The following GPR149 variants were observed in gnomAD, a reference collection of about 807,000 sequenced individuals.
GPR149 encodes the protein G protein-coupled receptor 149.
GPR149 carries 50 observed loss-of-function variants against 50.2 expected under a neutral mutation model. The observed-to-expected ratio is 1.00, with a 90% CI of 0.79 to 1.26. The LOEUF is 1.26. GPR149 is among the 50% of genes most tolerant of loss of function. The pLI is 0.00. For synonymous variants in GPR149, 405 were observed against 358.2 expected (o/e 1.13, Z -1.48); for missense variants, 983 against 895.4 (o/e 1.10, Z -1.25).
At chr3:154,423,443 T>C (rs1407444060) in intron 2 of GPR149, among the ~76,000 whole-genome samples, 4 of 151,864 alleles carry the variant, frequency 2.6e-5, no homozygotes, top group Admixed American at 1.3e-4. Context: ...ATTATGTTAA[T>C]GGAAGCAGAA....
intron 2 of GPR149, among the ~76,000 whole-genome samples, chr3:154,422,665 T>C (rs1468364532): frequency 2.0e-5 from 3 of 151,728 alleles, no homozygotes; most frequent in Non-Finnish European, 3.0e-5. Context: ...GACTGAAAAA[T>C]AGAATTTATT....
chr3:154,417,562 T>C (rs1455255375), intron 3 of GPR149, among the ~76,000 whole-genome samples: 1 of 152,074 alleles, frequency 6.6e-6, no homozygotes, highest in Non-Finnish European at 1.5e-5. Flanking sequence ...TACTATTAAA[T>C]GTAGTACCAT....
intron 3 of GPR149, among the ~76,000 whole-genome samples, chr3:154,413,080 T>TTGGCATTTGCATCCATG (rs1237250197): frequency 1.3e-5 from 2 of 152,126 alleles, no homozygotes; most frequent in African/African-American, 4.8e-5. Flanking sequence ...CAAATGGTGC[T>TTGGCATTTGCATCCATG]GGGATAATTG....
intron 3 of GPR149, among the ~76,000 whole-genome samples, chr3:154,397,390 T>C (rs1715319007): frequency 6.6e-6 from 1 of 152,184 alleles, no homozygotes; most frequent in Non-Finnish European, 1.5e-5. Context: ...TCTTAAAGAA[T>C]GGATTATGTC....
chr3:154,385,007 CT>C (rs1379859981), intron 3 of GPR149, among the ~76,000 whole-genome samples: 13 of 152,300 alleles, frequency 8.5e-5, no homozygotes, highest in African/African-American at 3.1e-4. Context: ...TGATGAATAT[CT>C]TTTGCGTGTG....
chr3:154,426,796 C>A (rs1380661406), intron 2 of GPR149, among the ~76,000 whole-genome samples: 1 of 151,926 alleles, frequency 6.6e-6, no homozygotes, highest in East Asian at 1.9e-4. Flanking sequence ...TACATGAACA[C>A]ACAGTAACAA....
chr3:154,404,425 A>G (rs940534169), intron 3 of GPR149, among the ~76,000 whole-genome samples: 1 of 152,238 alleles, frequency 6.6e-6, no homozygotes, highest in Non-Finnish European at 1.5e-5. Context: ...TCTCTGTTAT[A>G]TATTTTTCAA....
chr3:154,362,369 A>C (rs1189715834), intron 3 of GPR149, among the ~76,000 whole-genome samples: 1 of 151,750 alleles, frequency 6.6e-6, no homozygotes, highest in African/African-American at 2.4e-5. Flanking sequence ...CTGTCACCCC[A>C]AAAAAGACAT....
rs114683507 is a variant in GPR149 at position 154,415,941 on chromosome 3, G to A, written c.1623+5098C>T. On this transcript the variant is annotated intron_variant, in intron 3 of 3. Transcript: ENST00000389740. ...GATGATTATTTTTGTTAAGATGACT[G>A]GGTGGAGGCTATAAATAGGTTTTAA... Among the ~76,000 whole-genome samples the A allele has an allele frequency of 9.9e-3, 1,506 of 151,900 alleles. 14 individuals carry two copies. Among genetic ancestry groups the A allele is most frequent in the South Asian group, 0.029 (140 of 4,822 alleles).
intron 3 of GPR149, among the ~76,000 whole-genome samples, chr3:154,388,869 AAAACACACAC>A (rs1441017203): frequency 1.1e-4 from 13 of 121,438 alleles, no homozygotes; most frequent in African/African-American, 2.1e-4. Context: ...ACACATATGA[AAAACACACAC>A]ACACACACAC....
chr3:154,352,296 C>A, intron 3 of GPR149: 1 of 886,032 alleles, frequency 1.1e-6, no homozygotes, highest in Non-Finnish European at 1.8e-6. Flanking sequence ...GCCTGACCAG[C>A]CACTTGACCA....
intron 3 of GPR149, among the ~76,000 whole-genome samples, chr3:154,409,526 A>G (rs1057357417): frequency 6.6e-6 from 1 of 152,068 alleles, no homozygotes; most frequent in Non-Finnish European, 1.5e-5. Context: ...TAGAAAGCAT[A>G]AATAAAAAAC....
chr3:154,423,603 C>G (rs759174922), intron 2 of GPR149, among the ~76,000 whole-genome samples: 23 of 151,928 alleles, frequency 1.5e-4, no homozygotes, highest in Non-Finnish European at 3.1e-4. Context: ...TAGGTTATAA[C>G]AGTATCATAA....
chr3:154,366,340 ACC>A (rs1714532598), intron 3 of GPR149, among the ~76,000 whole-genome samples: 1 of 152,166 alleles, frequency 6.6e-6, no homozygotes, highest in Non-Finnish European at 1.5e-5. Flanking sequence ...CAGATAGCAG[ACC>A]CTGAAGGAAA....
In GPR149 at chr3:154,335,027, ACT is replaced by A. The variant is rs1713621259; in HGVS notation, c.*2670_*2671del. 1.3e-5 allele frequency: 2 copies of A among 151,410 alleles called. No homozygotes were observed. Among genetic ancestry groups the A allele is most frequent in the South Asian group, 4.2e-4 (2 of 4,760 alleles). 9.4% of individuals were successfully genotyped at this position (151,410 alleles called of 1,614,324 possible). A position where few individuals can be genotyped will look rare whatever the true frequency, so the allele number is the denominator to read the frequency against. ...CAAAGAGTTGCCTCTGTCAGTCACA[ACT>A]CTCAGAAGTCTTAGGGATTATATAT... On this transcript the variant is annotated 3_prime_UTR_variant, in exon 4 of 4. Coordinates refer to ENST00000389740, the MANE Select transcript of GPR149 (RefSeq NM_001038705.3).
intron 3 of GPR149, among the ~76,000 whole-genome samples, chr3:154,384,459 G>C (rs960684204): frequency 6.6e-6 from 1 of 152,156 alleles, no homozygotes; most frequent in Non-Finnish European, 1.5e-5. Flanking sequence ...AAGCCTAAAA[G>C]TTGTGTTGAT....
At chr3:154,360,295 C>T (rs1483521787) in intron 3 of GPR149, among the ~76,000 whole-genome samples, 4 of 152,146 alleles carry the variant, frequency 2.6e-5, no homozygotes, top group Non-Finnish European at 5.9e-5. Flanking sequence ...ATCATTTTCA[C>T]CATGGTAACA....
Position 154,337,751 on chromosome 3 carries a change from T to C in GPR149, c.2144A>G (p.Gln715Arg), listed in dbSNP as rs1179090795. ...TTTTCTGTAAGCTTTATTTAACAAC[T>C]GGATTTCCTCCTGGTAGCCATCCCT... ...QERDGYQEEI[Q>R]LLNKAYRKRE... Residue 715 changes from glutamine to arginine, a missense_variant, in exon 4 of 4, where the codon CAG becomes CGG. Transcript: ENST00000389740. 5.6e-6 allele frequency: 9 copies of C among 1,612,306 alleles called. No homozygotes were observed. The highest frequency in any genetic ancestry group is 7.6e-6 in the Non-Finnish European group (9 of 1,179,318).
chr3:154,364,743 G>T (rs1346845804), intron 3 of GPR149, among the ~76,000 whole-genome samples: 1 of 152,222 alleles, frequency 6.6e-6, no homozygotes, highest in Non-Finnish European at 1.5e-5. Context: ...CTGAAGTTGG[G>T]CTCCAAAGGC....
Sources: gnomAD v4.1 joint callset for allele counts (sites outside exome capture counted in the v4.1 genomes callset) on GRCh38, gnomAD v4.1.1 for gene constraint, MANE v1.5 for transcripts, NCBI Gene and HGNC (gene_info 2026-07-23, HGNC 2026-07-21) for gene names.